The following CNTN4 variants were observed in gnomAD, a reference collection of about 807,000 sequenced individuals.
The protein encoded by CNTN4 is contactin 4, also known as contactin-4.
A neutral mutation model predicts 122.5 loss-of-function variants in CNTN4; 77 were observed. The observed-to-expected ratio is 0.63, with a 90% CI of 0.52 to 0.76. The LOEUF is 0.76. Among genes scored for constraint, CNTN4 ranks in the 30% least tolerant of loss-of-function variants. CNTN4 has a pLI of 0.00. For missense variants in CNTN4, 1,256 were observed against 1,259.1 expected (o/e 1.00, Z 0.04); for synonymous variants, 512 against 447.0 (o/e 1.15, Z -1.83).
At chr3:2,879,719 C>G (rs1417701875) in intron 8 of CNTN4, among the ~76,000 whole-genome samples, 1 of 151,978 alleles carries the variant, frequency 6.6e-6, no homozygotes, top group Non-Finnish European at 1.5e-5. Context: ...TGTGAATGGG[C>G]ATGAGGGATC....
At chr3:2,876,819 A>G (rs900182967) in intron 8 of CNTN4, among the ~76,000 whole-genome samples, 1 of 152,194 alleles carries the variant, frequency 6.6e-6, no homozygotes, top group African/African-American at 2.4e-5. Context: ...TGGTCCCTCA[A>G]GTTGGGACTC....
rs187297484 is a variant in CNTN4, at chr3:2,903,532, T to C, written c.1207+527T>C. The stretch of plus-strand genomic sequence containing the variant: ...GTTCTGCATACTCACCATCCTCCCG[T>C]CCTCTGCAGGCCACTGGTACATACT... On this transcript the variant is annotated intron_variant, in intron 12 of 24. Transcript: ENST00000418658. 4.9e-3 allele frequency among the ~76,000 whole-genome samples: 750 copies of C among 152,282 alleles called. 5 individuals are homozygous for C. The highest frequency in any genetic ancestry group is 0.017 in the African/African-American group (719 of 41,570).
chr3:2,194,490 G>A (rs1420586423), intron 2 of CNTN4, among the ~76,000 whole-genome samples: 2 of 151,926 alleles, frequency 1.3e-5, no homozygotes, highest in African/African-American at 4.8e-5. Context: ...AAATCAAATG[G>A]GATACAGTGT....
chr3:2,809,411 A>G (rs2092550620), intron 6 of CNTN4, among the ~76,000 whole-genome samples: 1 of 152,208 alleles, frequency 6.6e-6, no homozygotes, highest in Admixed American at 6.5e-5. Flanking sequence ...AGAAAGCAAA[A>G]TGTGGCCATT....
chr3:2,272,197 C>T (rs2041325409), intron 2 of CNTN4, among the ~76,000 whole-genome samples: 1 of 151,930 alleles, frequency 6.6e-6, no homozygotes, highest in Non-Finnish European at 1.5e-5. Context: ...AGTAATACAG[C>T]TTACTACTGT....
chr3:2,997,517 A>G (rs1333721682), intron 14 of CNTN4, among the ~76,000 whole-genome samples: 11 of 152,200 alleles, frequency 7.2e-5, no homozygotes, highest in Admixed American at 7.2e-4. Context: ...CAGAGGCAGG[A>G]GGAGTATAAC....
At chr3:2,359,250 A>G (rs536214428) in intron 3 of CNTN4, among the ~76,000 whole-genome samples, 1 of 152,016 alleles carries the variant, frequency 6.6e-6, no homozygotes, top group East Asian at 1.9e-4. Context: ...TAGTTTTTAC[A>G]GATGGGCTTA....
intron 4 of CNTN4, among the ~76,000 whole-genome samples, chr3:2,581,638 T>C (rs1452607359): frequency 3.9e-5 from 6 of 152,202 alleles, no homozygotes; most frequent in African/African-American, 1.4e-4. Flanking sequence ...TTTTTTTCTC[T>C]TGTAAAGTTT....
At chr3:2,882,056 T>C in intron 8 of CNTN4, among the ~76,000 whole-genome samples, 1 of 152,128 alleles carries the variant, frequency 6.6e-6, no homozygotes, top group East Asian at 1.9e-4. Flanking sequence ...GAGTCAAGCA[T>C]GTATTGATAA....
chr3:2,338,129 TA>T (rs1176723253), intron 2 of CNTN4, among the ~76,000 whole-genome samples: 3 of 152,192 alleles, frequency 2.0e-5, no homozygotes, highest in East Asian at 3.9e-4. Flanking sequence ...GTATTTGTTT[TA>T]GGGGTATATG....
intron 3 of CNTN4, among the ~76,000 whole-genome samples, chr3:2,408,317 C>G (rs1349612976): frequency 1.3e-5 from 2 of 152,180 alleles, no homozygotes; most frequent in Non-Finnish European, 2.9e-5. Context: ...TGATGCTTTC[C>G]TGTTGGAGGC....
intron 17 of CNTN4, 52 bp downstream of exon 17, chr3:3,034,842 C>T (rs1238092233): frequency 6.3e-7 from 1 of 1,578,054 alleles, no homozygotes; most frequent in Non-Finnish European, 8.7e-7. Context: ...GCATACTGGA[C>T]ACAGCACTGT....
intron 4 of CNTN4, among the ~76,000 whole-genome samples, chr3:2,616,246 T>C (rs927015781): frequency 1.6e-4 from 25 of 152,056 alleles, no homozygotes; most frequent in African/African-American, 5.3e-4. Context: ...ACATGCGGTA[T>C]TTGGTTTTCT....
rs142370893 is a variant in CNTN4 at position 2,603,783 on chromosome 3, G to C, written c.55+32225G>C. On this transcript the variant is annotated intron_variant, in intron 4 of 24. Transcript: ENST00000418658. ...TTAGTATGACAGAAAGAAAACAGAT[G>C]TGTGTTTCAGCTCTTCTGCTTAATA... 3.4e-4 allele frequency among the ~76,000 whole-genome samples: 52 copies of C among 152,272 alleles called. No homozygotes were observed. In the East Asian group the frequency reaches 0.01, roughly 29 times the overall value.
intron 2 of CNTN4, among the ~76,000 whole-genome samples, chr3:2,199,485 G>A (rs2037997736): frequency 6.6e-6 from 1 of 152,032 alleles, no homozygotes; most frequent in Non-Finnish European, 1.5e-5. Context: ...GATTTTAGCA[G>A]TATAATAGAA....
At chr3:2,641,764 G>A (rs999860976) in intron 4 of CNTN4, among the ~76,000 whole-genome samples, 14 of 152,156 alleles carry the variant, frequency 9.2e-5, no homozygotes, top group Non-Finnish European at 2.9e-5. Flanking sequence ...TTGCTGTTTT[G>A]CCAGAGCTGA....
chr3:2,400,052 G>C (rs1180783383), intron 3 of CNTN4, among the ~76,000 whole-genome samples: 2 of 151,846 alleles, frequency 1.3e-5, no homozygotes, highest in African/African-American at 4.8e-5. Context: ...TACGGGCTTG[G>C]GTTTTCCCAG....
intron 6 of CNTN4, among the ~76,000 whole-genome samples, chr3:2,800,526 T>C (rs1351659960): frequency 2.0e-5 from 3 of 152,206 alleles, no homozygotes; most frequent in Non-Finnish European, 4.4e-5. Flanking sequence ...GAGCTTTATC[T>C]TAATTCATCT....
intron 23 of CNTN4, among the ~76,000 whole-genome samples, chr3:3,050,438 C>T (rs183003252): frequency 1.1e-3 from 173 of 152,154 alleles, no homozygotes; most frequent in Non-Finnish European, 2.1e-3. Flanking sequence ...CAGAGCCCTA[C>T]AGGTGGTAGC....
Sources: allele counts gnomAD v4.1 joint callset (sites outside exome capture counted in the v4.1 genomes callset), GRCh38; gene constraint gnomAD v4.1.1; transcripts MANE v1.5; gene names NCBI Gene and HGNC (gene_info 2026-07-23, HGNC 2026-07-21).